The following RBFOX1 variants were observed in gnomAD, a reference collection of about 807,000 sequenced individuals.
The protein encoded by RBFOX1 is RNA binding protein fox-1 homolog 1.
Under a neutral mutation model 57.7 loss-of-function variants are expected in RBFOX1, and 8 were observed. That is an observed-to-expected ratio of 0.14 (90% CI 0.08 to 0.25). The LOEUF (loss-of-function observed/expected upper bound fraction) is 0.25. Among genes scored for constraint, RBFOX1 ranks in the 10% least tolerant of loss-of-function variants. RBFOX1 has a pLI of 1.00. For synonymous variants in RBFOX1, 326 were observed against 222.4 expected (o/e 1.47, Z -4.15); for missense variants, 611 against 548.5 (o/e 1.11, Z -1.14).
intron 14 of RBFOX1, among the ~76,000 whole-genome samples, chr16:7,703,750 G>A (rs1280849283): frequency 6.6e-6 from 1 of 152,154 alleles, no homozygotes; most frequent in Admixed American, 6.5e-5. Context: ...TCAAGAGGCT[G>A]CATACTTATT....
At chr16:5,261,549 G>GTTTTTTTT (rs4047465) in intron 1 of RBFOX1, among the ~76,000 whole-genome samples, 2 of 120,506 alleles carry the variant, frequency 1.7e-5, no homozygotes, top group Non-Finnish European at 3.3e-5. Context: ...TGTGTGTATG[G>GTTTTTTTT]TTTTTTTTTT....
At chr16:6,886,066 CTT>C (rs543955510) in intron 3 of RBFOX1, among the ~76,000 whole-genome samples, 1,760 of 129,004 alleles carry the variant, frequency 0.014, 17 homozygotes, top group Non-Finnish European at 0.023. Context: ...TTTTTTTTTT[CTT>C]TTTTTTTTTT....
At chr16:6,075,823 C>G (rs1051111694) in intron 1 of RBFOX1, among the ~76,000 whole-genome samples, 1 of 152,198 alleles carries the variant, frequency 6.6e-6, no homozygotes, top group Non-Finnish European at 1.5e-5. Context: ...TATCTCAAAT[C>G]AAGACACACA....
chr16:6,312,403 A>G (rs901749056), intron 1 of RBFOX1, among the ~76,000 whole-genome samples: 1 of 152,054 alleles, frequency 6.6e-6, no homozygotes, highest in African/African-American at 2.4e-5. Flanking sequence ...CACACGTGGC[A>G]GAGAAGAGTG....
At chr16:5,648,522 C>G (rs561659814) in intron 3 of RBFOX1, among the ~76,000 whole-genome samples, 14 of 151,882 alleles carry the variant, frequency 9.2e-5, no homozygotes, top group African/African-American at 3.4e-4. Context: ...GTACAACTTG[C>G]GGGGAGGTGG....
At chr16:7,352,936 G>A (rs1197615919) in intron 4 of RBFOX1, among the ~76,000 whole-genome samples, 1 of 151,960 alleles carries the variant, frequency 6.6e-6, no homozygotes, top group Non-Finnish European at 1.5e-5. Context: ...CGCTGGTATC[G>A]AACTGCTAGG....
chr16:5,582,505 G>T (rs181021608), intron 2 of RBFOX1, among the ~76,000 whole-genome samples: 43 of 151,146 alleles, frequency 2.8e-4, no homozygotes, highest in African/African-American at 1.0e-3. Flanking sequence ...CAAAGCCAGA[G>T]CAGAGCTGGG....
Position 5,730,656 on chromosome 16 carries a change from C to T in RBFOX1, c.318+131695C>T, listed in dbSNP as rs575683138. Among the ~76,000 whole-genome samples, 11 of 151,698 alleles carry T rather than the reference C, an allele frequency of 7.3e-5. No homozygotes were observed. In the East Asian group the frequency reaches 2.0e-3, roughly 27 times the overall value. On this transcript the variant is annotated intron_variant, in intron 3 of 19. Transcript: ENST00000641259. Reference sequence around the variant, plus strand: ...ATCATCACTACCACACCACCACCATCGTTATTACCACTGCTGTTGTCACCA... The same window carrying T: ...ATCATCACTACCACACCACCACCATTGTTATTACCACTGCTGTTGTCACCA...
intron 5 of RBFOX1, among the ~76,000 whole-genome samples, chr16:7,527,743 T>C (rs2079022462): frequency 6.6e-6 from 1 of 152,144 alleles, no homozygotes; most frequent in Non-Finnish European, 1.5e-5. Flanking sequence ...CTTAGCACAA[T>C]GACAAACACA....
At chr16:5,435,554 C>T (rs775610005) in intron 1 of RBFOX1, among the ~76,000 whole-genome samples, 1 of 152,144 alleles carries the variant, frequency 6.6e-6, no homozygotes, top group Non-Finnish European at 1.5e-5. Context: ...TTCCAGTGTT[C>T]GGGCAAATGT....
intron 2 of RBFOX1, among the ~76,000 whole-genome samples, chr16:5,568,189 C>T (rs976110217): frequency 2.6e-5 from 4 of 152,188 alleles, no homozygotes; most frequent in South Asian, 2.1e-4. Context: ...TCTCCTTCCT[C>T]GAATCCCCAC....
At chr16:5,795,364 C>T (rs141498196) in intron 3 of RBFOX1, among the ~76,000 whole-genome samples, 14 of 151,832 alleles carry the variant, frequency 9.2e-5, no homozygotes, top group South Asian at 4.2e-4. Flanking sequence ...AGTGCAGTGG[C>T]GAGATCATGG....
At chr16:7,202,880 A>G (rs1465095765) in intron 4 of RBFOX1, among the ~76,000 whole-genome samples, 4 of 152,330 alleles carry the variant, frequency 2.6e-5, no homozygotes, top group African/African-American at 7.2e-5. Context: ...GCTGAAGTAC[A>G]GCCTCAAAGA....
chr16:5,676,079 G>C (rs1291057805), intron 3 of RBFOX1, among the ~76,000 whole-genome samples: 3 of 152,130 alleles, frequency 2.0e-5, no homozygotes, highest in Non-Finnish European at 4.4e-5. Context: ...TCGCACACCA[G>C]GGCCTGCTGG....
chr16:5,999,570 C>T (rs572210969), intron 4 of RBFOX1, among the ~76,000 whole-genome samples: 6 of 152,286 alleles, frequency 3.9e-5, no homozygotes, highest in Non-Finnish European at 5.9e-5. Flanking sequence ...GGCCGGGCGC[C>T]GCTGGGTGCG....
chr16:7,710,050 T>C lies in RBFOX1; in HGVS notation c.1072-573T>C. The C allele has an allele frequency of 4.0e-6, 4 of 1,001,830 alleles. No homozygotes were observed. In the South Asian group the frequency reaches 1.8e-4, roughly 45 times the overall value. The allele number at this position is 1,001,830 out of a possible 1,614,324, so 62.1% of individuals were successfully genotyped here. ...CCATGGCCGGACAGTTCACTGAAGC[T>C]CAGTCATAGAAATTCAGCCATGATT... is the stretch of plus-strand genomic sequence containing the variant. On this transcript the variant is annotated intron_variant, in intron 15 of 15. Transcript: ENST00000550418.
chr16:5,601,061 G>A (rs998972197), downstream of RBFOX1: 1 of 152,218 alleles, frequency 6.6e-6, no homozygotes, highest in African/African-American at 2.4e-5. Context: ...ATTTTGGATA[G>A]ATGGAAAAAT....
At chr16:7,153,374 G>C (rs2076455125) in intron 4 of RBFOX1, among the ~76,000 whole-genome samples, 2 of 152,014 alleles carry the variant, frequency 1.3e-5, no homozygotes. Flanking sequence ...TTTTATTTTA[G>C]TCTTTCCTTC....
At chr16:7,691,683 T>C (rs1160344711) in intron 14 of RBFOX1, among the ~76,000 whole-genome samples, 1 of 152,174 alleles carries the variant, frequency 6.6e-6, no homozygotes, top group African/African-American at 2.4e-5. Flanking sequence ...TTACATCTGT[T>C]TTTGTCTCCA....
Sources: gnomAD v4.1 joint callset for allele counts (sites outside exome capture counted in the v4.1 genomes callset) on GRCh38, gnomAD v4.1.1 for gene constraint, MANE v1.5 for transcripts, NCBI Gene and HGNC (gene_info 2026-07-23, HGNC 2026-07-21) for gene names.